ZNF462: variants seen among roughly 807,000 people sequenced by gnomAD.
The protein encoded by ZNF462 is zinc finger PBX1-interacting protein.
Under a neutral mutation model 201.9 loss-of-function variants are expected in ZNF462, and 10 were observed. The observed-to-expected ratio is 0.05, with a 90% CI of 0.03 to 0.08. The LOEUF (loss-of-function observed/expected upper bound fraction) is 0.08. ZNF462 is among the 10% of genes least tolerant of loss of function. ZNF462 has a pLI of 1.00. For missense variants in ZNF462, 2,523 were observed against 3,168.3 expected (o/e 0.80, Z 4.89); for synonymous variants, 1,227 against 1,193.3 (o/e 1.03, Z -0.58).
At chr9:106,898,390 T>C (rs941976439) in intron 1 of ZNF462, among the ~76,000 whole-genome samples, 2 of 152,104 alleles carry the variant, frequency 1.3e-5, no homozygotes, top group African/African-American at 2.4e-5. Context: ...TGGTACTCAA[T>C]TGGGTATGAT....
chr9:106,996,449 A>G (rs1252492346), intron 10 of ZNF462, among the ~76,000 whole-genome samples: 4 of 152,208 alleles, frequency 2.6e-5, no homozygotes, highest in East Asian at 1.9e-4. Context: ...AAGTGTTCCT[A>G]TTTCTCCACA....
intron 1 of ZNF462, among the ~76,000 whole-genome samples, chr9:106,912,297 C>T (rs1829584718): frequency 6.6e-6 from 1 of 152,224 alleles, no homozygotes; most frequent in South Asian, 2.1e-4. Context: ...AGCTCTTGTT[C>T]TTCTGTGTAT....
intron 7 of ZNF462, among the ~76,000 whole-genome samples, chr9:106,941,229 A>G (rs981854639): frequency 6.6e-6 from 1 of 152,178 alleles, no homozygotes; most frequent in African/African-American, 2.4e-5. Flanking sequence ...GGGCTGTACT[A>G]TGCACGGAAG....
chr9:106,970,917 A>T lies in ZNF462; in HGVS notation c.6428-1088A>T, dbSNP rs1826572099. ...CAGATTTCTCCACCGCATGCCATTG[A>T]AGCTTCTCGGGGTTAAGATTTGTGC... On this transcript the variant is annotated intron_variant, in intron 7 of 12. Coordinates refer to ENST00000277225, the MANE Select transcript of ZNF462 (RefSeq NM_021224.6). The surrounding 1 kb of genome is among the most constrained non-coding windows in gnomAD (Gnocchi z 4.2). 1.3e-5 allele frequency among the ~76,000 whole-genome samples: 2 copies of T among 151,288 alleles called. No homozygotes were observed. Among genetic ancestry groups the T allele is most frequent in the South Asian group, 4.3e-4 (2 of 4,704 alleles).
intron 1 of ZNF462, among the ~76,000 whole-genome samples, chr9:106,878,214 A>C (rs1752439231): frequency 6.6e-6 from 1 of 152,192 alleles, no homozygotes; most frequent in Non-Finnish European, 1.5e-5. Flanking sequence ...TTATCTTTAA[A>C]GTGGAATTCT....
rs536178173 is a variant in ZNF462, at chr9:106,942,684, T to G, written c.6427+3577T>G. Reference sequence around the variant, plus strand: ...TTTTATCCGGCTATTTCCAAGTCTCTGCTTTCAGTACAGAAAAATACACAT... The same window carrying G: ...TTTTATCCGGCTATTTCCAAGTCTCGGCTTTCAGTACAGAAAAATACACAT... On this transcript the variant is annotated intron_variant, in intron 7 of 12. Coordinates refer to ENST00000277225, the MANE Select transcript of ZNF462 (RefSeq NM_021224.6). 8.5e-5 allele frequency among the ~76,000 whole-genome samples: 13 copies of G among 152,326 alleles called. No homozygotes were observed. In the South Asian group the frequency reaches 2.5e-3, roughly 29 times the overall value.
At chr9:106,991,817 C>T (rs1828288439) in intron 10 of ZNF462, among the ~76,000 whole-genome samples, 1 of 144,742 alleles carries the variant, frequency 6.9e-6, no homozygotes, top group African/African-American at 2.6e-5. Flanking sequence ...AGATTATGAC[C>T]CTTGACCTTT....
At chr9:106,904,165 G>A (rs1183547936) in intron 1 of ZNF462, among the ~76,000 whole-genome samples, 1 of 106,318 alleles carries the variant, frequency 9.4e-6, no homozygotes, top group African/African-American at 3.8e-5. Context: ...CTGAAAACAA[G>A]TGTATCTTTC....
intron 8 of ZNF462, among the ~76,000 whole-genome samples, 175 bp from the exon 9 acceptor site, chr9:106,973,962 C>T (rs1028084774): frequency 1.3e-5 from 2 of 151,834 alleles, no homozygotes; most frequent in East Asian, 1.9e-4. Flanking sequence ...TGTTCAGATT[C>T]GGTTGAGTGA....
In ZNF462 at chr9:106,919,776, G is replaced by A. The variant is rs1458760116; in HGVS notation, c.-30-3578G>A. On this transcript the variant is annotated intron_variant, in intron 1 of 12. Coordinates refer to ENST00000277225, the MANE Select transcript of ZNF462 (RefSeq NM_021224.6). The surrounding 1 kb of genome is among the most constrained non-coding windows in gnomAD (Gnocchi z 4.5). ...AATGAATCTGTGTTCACCTTGCAGG[G>A]ATCATGATGGGTGGTGTTTAAAGTC... Among the ~76,000 whole-genome samples, 2 of 152,294 alleles carry A rather than the reference G, an allele frequency of 1.3e-5. No individual in the cohort carries two copies. Among genetic ancestry groups the A allele is most frequent in the African/African-American group, 2.4e-5 (1 of 41,570 alleles).
chr9:106,900,203 CGTGTGTGTGTGTGTGTGTGT>C (rs3056258), intron 1 of ZNF462, among the ~76,000 whole-genome samples: 68 of 134,744 alleles, frequency 5.0e-4, no homozygotes, highest in South Asian at 1.6e-3. Context: ...AGTATTCCAT[CGTGTGTGTGTGTGTGTGTGT>C]GTGTGTGTGT....
At chr9:106,863,679 G>C (rs1267684682) in intron 1 of ZNF462, among the ~76,000 whole-genome samples, 2 of 152,100 alleles carry the variant, frequency 1.3e-5, no homozygotes, top group South Asian at 2.1e-4. Flanking sequence ...GCTGGCTGCT[G>C]CTCCTGCTGG....
At position 106,913,321 on chromosome 9, in the gene ZNF462, C is replaced by G. The variant is rs1423802368; in HGVS notation, c.-30-10033C>G. ...GATGCTCTCTGGAATTCCTTAGGTTCTTGAACGTTTAGTTCGATTTTGTAC... is the reference window on the plus strand; with the variant it reads ...GATGCTCTCTGGAATTCCTTAGGTTGTTGAACGTTTAGTTCGATTTTGTAC... On this transcript the variant is annotated intron_variant, in intron 1 of 12. Coordinates refer to ENST00000277225, the MANE Select transcript of ZNF462 (RefSeq NM_021224.6). The surrounding 1 kb of genome is among the most constrained non-coding windows in gnomAD (Gnocchi z 4.1). Among the ~76,000 whole-genome samples the G allele has an allele frequency of 6.6e-6, 1 of 152,124 alleles. No homozygotes were observed. Among genetic ancestry groups the G allele is most frequent in the Non-Finnish European group, 1.5e-5 (1 of 68,022 alleles).
chr9:106,968,537 G>C lies in ZNF462; in HGVS notation c.6428-3468G>C, dbSNP rs1832184508. ...CTCTTTTCTCAGACTGTATGTGTCA[G>C]GGTTGGTTGGTTGGTTGGTTGGTTG... is the stretch of plus-strand genomic sequence containing the variant. On this transcript the variant is annotated intron_variant, in intron 7 of 12. Transcript: ENST00000277225. This position sits in a 1 kb window ranked among gnomAD's most constrained non-coding sequence, Gnocchi z 4.0. Among the ~76,000 whole-genome samples, 1 of 151,866 alleles carries C rather than the reference G, an allele frequency of 6.6e-6. No homozygotes were observed. The highest frequency in any genetic ancestry group is 1.5e-5 in the Non-Finnish European group (1 of 68,024).
At chr9:106,941,559 G>A (rs959231409) in intron 7 of ZNF462, among the ~76,000 whole-genome samples, 1 of 152,236 alleles carries the variant, frequency 6.6e-6, no homozygotes, top group Non-Finnish European at 1.5e-5. Context: ...TGAAAGCTCT[G>A]TGTGGTAACT....
Position 106,927,204 on chromosome 9 carries a change from T to TGCCGCCC in ZNF462, c.3292_3293insGCCGCCC (p.Ser1098CysfsTer17). On this transcript the variant is annotated frameshift_variant, in exon 3 of 13. Coordinates refer to ENST00000277225, the MANE Select transcript of ZNF462 (RefSeq NM_021224.6). LOFTEE classifies it high-confidence loss of function. ...GTCTCCCAAAATGTCCAACATGGGT[T>TGCCGCCC]CCCCACCCCCCCCACAACCCCCGCC... 1 of 1,570,646 alleles carries TGCCGCCC rather than the reference T, an allele frequency of 6.4e-7. No individual in the cohort carries two copies. Among genetic ancestry groups the TGCCGCCC allele is most frequent in the Non-Finnish European group, 8.7e-7 (1 of 1,149,992 alleles).
Position 106,932,396 on chromosome 9 carries a change from C to G in ZNF462, c.6013-50C>G, listed in dbSNP as rs777029774. On this transcript the variant is annotated intron_variant, in intron 4 of 12. Transcript: ENST00000277225. This position sits in a 1 kb window ranked among gnomAD's most constrained non-coding sequence, Gnocchi z 6.8. The stretch of plus-strand genomic sequence containing the variant: ...GGAATGTTGGAGGATGAAACCCGGC[C>G]GGGGGGATACCATTGCAGTCAATGT... 3 of 1,613,368 alleles carry G rather than the reference C, an allele frequency of 1.9e-6. No individual in the cohort carries two copies. The highest frequency in any genetic ancestry group is 2.5e-6 in the Non-Finnish European group (3 of 1,179,704).
intron 7 of ZNF462, among the ~76,000 whole-genome samples, chr9:106,946,619 C>A (rs1243484205): frequency 6.6e-6 from 1 of 152,022 alleles, no homozygotes; most frequent in African/African-American, 2.4e-5. Flanking sequence ...AACAGCCTTG[C>A]TAGAGTCGAG....
At chr9:106,898,462 T>C (rs1466566507) in intron 1 of ZNF462, among the ~76,000 whole-genome samples, 1 of 152,184 alleles carries the variant, frequency 6.6e-6, no homozygotes, top group Non-Finnish European at 1.5e-5. Context: ...AGAGAGACAG[T>C]TGAAGCACTG....
Sources: allele counts gnomAD v4.1 joint callset (sites outside exome capture counted in the v4.1 genomes callset), GRCh38; gene constraint gnomAD v4.1.1; non-coding constraint Gnocchi (gnomAD v3.1); transcripts MANE v1.5; gene names NCBI Gene and HGNC (gene_info 2026-07-23, HGNC 2026-07-21).